The following TOGARAM2 variants were observed in gnomAD, a reference collection of about 807,000 sequenced individuals.
TOGARAM2 encodes TOG array regulator of axonemal microtubules protein 2.
Under a neutral mutation model 93.3 loss-of-function variants are expected in TOGARAM2, and 85 were observed. That is an observed-to-expected ratio of 0.91 (90% CI 0.76 to 1.09). The LOEUF is 1.09. Ranked by LOEUF, TOGARAM2 falls within the 50% of genes least tolerant of loss-of-function variation. The probability of loss-of-function intolerance (pLI) is 0.00; values close to 1 mark genes in which losing one functional copy is unlikely to be tolerated. For synonymous variants in TOGARAM2, 593 were observed against 552.8 expected (o/e 1.07, Z -1.02); for missense variants, 1,277 against 1,334.5 (o/e 0.96, Z 0.67).
chr2:29,012,718 C>T (rs1312315721), intron 7 of TOGARAM2, among the ~76,000 whole-genome samples: 1 of 152,220 alleles, frequency 6.6e-6, no homozygotes, highest in East Asian at 1.9e-4. Flanking sequence ...CTCTGCCCTC[C>T]AGCTGGCAAC....
At chr2:29,017,421 T>C in intron 9 of TOGARAM2, 117 bp downstream of exon 9, 1 of 1,050,674 alleles carries the variant, frequency 9.5e-7, no homozygotes, top group African/African-American at 1.6e-5. Context: ...TATGTATTTA[T>C]TTAGAGATGG....
chr2:29,023,509 G>A (rs1477657068), intron 12 of TOGARAM2, among the ~76,000 whole-genome samples: 1 of 152,198 alleles, frequency 6.6e-6, no homozygotes, highest in African/African-American at 2.4e-5. Flanking sequence ...CAACTCCAGG[G>A]CAGTGGTAGT....
At chr2:28,990,994 GTGTGTGTGT>G (rs1672701615) in intron 1 of TOGARAM2, among the ~76,000 whole-genome samples, 4 of 16,612 alleles carry the variant, frequency 2.4e-4, no homozygotes, top group Non-Finnish European at 4.3e-4. Flanking sequence ...TGTGAAGGGT[GTGTGTGTGT>G]GTGTGTGTGT....
chr2:29,014,683 C>G (rs534953682), intron 8 of TOGARAM2, 122 bp downstream of exon 8: 2 of 1,295,300 alleles, frequency 1.5e-6, no homozygotes, highest in Non-Finnish European at 2.1e-6. Flanking sequence ...AAGGAGAGCC[C>G]GAGGCAGCCA....
chr2:28,987,456 A>AT (rs1672519690), intron 1 of TOGARAM2, among the ~76,000 whole-genome samples: 1 of 151,944 alleles, frequency 6.6e-6, no homozygotes, highest in African/African-American at 2.4e-5. Flanking sequence ...CGCCCAGCTA[A>AT]TTTTTTGTAT....
chr2:29,034,776 C>T (rs1258756750), intron 16 of TOGARAM2, among the ~76,000 whole-genome samples: 3 of 152,134 alleles, frequency 2.0e-5, no homozygotes, highest in African/African-American at 7.2e-5. Flanking sequence ...CAGAGCCTAG[C>T]CAGCCAGGGA....
At chr2:29,048,357 T>C (rs943127047) in intron 19 of TOGARAM2, 1 of 152,174 alleles carries the variant, frequency 6.6e-6, no homozygotes, top group Non-Finnish European at 1.5e-5. Context: ...AGAATTGTGT[T>C]AAAATACACA....
rs769874285 is a variant in TOGARAM2, at chr2:28,999,190, A to C, written c.149A>C (p.Gln50Pro). The C allele has an allele frequency of 4.3e-6, 7 of 1,612,476 alleles. No individual in the cohort carries two copies. The Middle Eastern group carries it at 1.2e-3, about 269-fold the overall frequency. The change falls in exon 4 of 20, where the codon CAG (glutamine) becomes CCG (proline). Residue 50 changes from glutamine to proline, a missense_variant. Gln to Pro is a moderately conservative substitution (Grantham distance 76, BLOSUM62 -1). Coordinates refer to ENST00000379558, the MANE Select transcript of TOGARAM2 (RefSeq NM_199280.4). ...CCTCTGTCCCCCTCAGGTTCTCTCC[A>C]GCCTGAGCCAAGAGCCCTGCTGAAC... ...SSLPHGEGSL[Q>P]PEPRALLNNE...
rs545882197 is a variant in TOGARAM2 at position 29,005,295 on chromosome 2, CAT to C, written c.830+1614_830+1615del. ...GTGTGTGTGCATATGTGTGTGTGTG[CAT>C]GTGTGTGTGTGGGGTATGTGTGCAT... On this transcript the variant is annotated intron_variant, in intron 6 of 19. Coordinates refer to ENST00000379558, the MANE Select transcript of TOGARAM2 (RefSeq NM_199280.4). 5.0e-4 allele frequency among the ~76,000 whole-genome samples: 51 copies of C among 101,504 alleles called. 1 individual carries two copies. The highest frequency in any genetic ancestry group is 3.5e-3 in the South Asian group (10 of 2,850). 66.6% of individuals were successfully genotyped at this position (101,504 alleles called of 152,430 possible).
chr2:29,032,364 ACTC>A (rs1424896973), intron 14 of TOGARAM2, among the ~76,000 whole-genome samples: 3 of 151,936 alleles, frequency 2.0e-5, no homozygotes, highest in Admixed American at 6.6e-5. Flanking sequence ...CAACTTGTGA[ACTC>A]CTACTTATCT....
chr2:29,016,098 C>T (rs989075940), intron 8 of TOGARAM2, among the ~76,000 whole-genome samples: 3 of 152,192 alleles, frequency 2.0e-5, no homozygotes, highest in Non-Finnish European at 2.9e-5. Flanking sequence ...CTTGAATGCT[C>T]ACCTCAGAAA....
At position 29,036,762 on chromosome 2, in the gene TOGARAM2, G is replaced by C; in HGVS notation, c.2635+5G>C. The C allele has an allele frequency of 3.1e-6, 5 of 1,609,992 alleles. No individual in the cohort carries two copies. The highest frequency in any genetic ancestry group is 3.4e-6 in the Non-Finnish European group (4 of 1,178,012). ...ATGCGATGGTTGAGAGCCTGGGTGA[G>C]TGTCCCACGTGGGCCTGTGTGGCTC... is the stretch of plus-strand genomic sequence containing the variant. On this transcript the variant is annotated splice_donor_5th_base_variant and intron_variant, in intron 18 of 19. Transcript: ENST00000379558.
intron 12 of TOGARAM2, 75 bp from the exon 13 acceptor site, chr2:29,024,064 A>G: frequency 7.9e-7 from 1 of 1,266,872 alleles, no homozygotes; most frequent in African/African-American, 1.5e-5. Context: ...AGGGTGGTGC[A>G]GGGCCCATTT....
At chr2:29,002,792 C>T in intron 5 of TOGARAM2, 45 bp downstream of exon 5, 1 of 1,541,456 alleles carries the variant, frequency 6.5e-7, no homozygotes. Context: ...AGCTTCTTGC[C>T]CTCCCTTCCT....
At chr2:28,968,448 G>C (rs142298643) in intron 1 of TOGARAM2, among the ~76,000 whole-genome samples, 3 of 151,822 alleles carry the variant, frequency 2.0e-5, no homozygotes, top group African/African-American at 7.3e-5. Flanking sequence ...TCCCCGCAGC[G>C]GAGGTTGTCC....
rs751954722 is a variant in TOGARAM2, at chr2:29,022,131, CCTG to C, written c.1361-23_1361-21del. The C allele has an allele frequency of 8.1e-6, 13 of 1,613,768 alleles. No individual in the cohort carries two copies. The South Asian group carries it at 1.4e-4, about 18-fold the overall frequency. ...CTCTTGCCTGTCCTGCTGCGTGAAG[CCTG>C]CTGTTTCTTTCTTGTGAATGCAGCT... is the stretch of plus-strand genomic sequence containing the variant. On this transcript the variant is annotated intron_variant, in intron 10 of 19. Coordinates refer to ENST00000379558, the MANE Select transcript of TOGARAM2 (RefSeq NM_199280.4).
intron 13 of TOGARAM2, among the ~76,000 whole-genome samples, chr2:29,025,070 C>T (rs1665262320): frequency 6.6e-6 from 1 of 152,210 alleles, no homozygotes; most frequent in Non-Finnish European, 1.5e-5. Flanking sequence ...GATCATTACA[C>T]TGATGCGTGA....
chr2:28,994,743 C>A lies in TOGARAM2; in HGVS notation c.-92C>A. ...CCCTTAGGTCCCGGATGTTACAGGT[C>A]AGAGCCCTCCAGACCCCCAAGGACT... On this transcript the variant is annotated 5_prime_UTR_variant, in exon 2 of 20. Coordinates refer to ENST00000379558, the MANE Select transcript of TOGARAM2 (RefSeq NM_199280.4). 7.3e-7 allele frequency: 1 copy of A among 1,365,148 alleles called. No homozygotes were observed. The highest frequency in any genetic ancestry group is 1.0e-6 in the Non-Finnish European group (1 of 979,174). The allele number at this position is 1,365,148 out of a possible 1,614,324, so 84.6% of individuals were successfully genotyped here.
At chr2:28,975,797 G>A (rs890369917) in intron 1 of TOGARAM2, among the ~76,000 whole-genome samples, 2 of 152,068 alleles carry the variant, frequency 1.3e-5, no homozygotes, top group African/African-American at 2.4e-5. Context: ...ATCTAGGTGG[G>A]ATTGGATGTT....
Sources: gnomAD v4.1 joint callset for allele counts (sites outside exome capture counted in the v4.1 genomes callset) on GRCh38, gnomAD v4.1.1 for gene constraint, MANE v1.5 for transcripts, NCBI Gene and HGNC (gene_info 2026-07-23, HGNC 2026-07-21) for gene names.